Variants in ROCK2 observed in about 807,000 individuals in gnomAD.
The protein encoded by ROCK2 is Rho associated coiled-coil containing protein kinase 2.
Under a neutral mutation model 195.1 loss-of-function variants are expected in ROCK2, and 61 were observed. That is an observed-to-expected ratio of 0.31 (90% CI 0.25 to 0.39). The LOEUF (loss-of-function observed/expected upper bound fraction) is 0.39, where lower values mean the gene tolerates loss of function less well. ROCK2 is among the 10% of genes least tolerant of loss of function. The pLI, the probability that ROCK2 is intolerant of heterozygous loss-of-function variation, is 1.00. For synonymous variants in ROCK2, 504 were observed against 545.5 expected (o/e 0.92, Z 1.06); for missense variants, 1,109 against 1,637.4 (o/e 0.68, Z 5.57).
At position 11,222,326 on chromosome 2, in the gene ROCK2, A is replaced by G. The variant is rs1288466181; in HGVS notation, c.1008-152T>C. On this transcript the variant is annotated intron_variant, in intron 7 of 32. Coordinates refer to ENST00000315872, the MANE Select transcript of ROCK2 (RefSeq NM_004850.5). ...CTTAAATGTTTCTCAAAAATAAGCA[A>G]TCCCAAGTTACAGTATGTGATCTCT... 9 of 527,720 alleles carry G rather than the reference A, an allele frequency of 1.7e-5. No homozygotes were observed. In the East Asian group the frequency reaches 2.0e-4, roughly 12 times the overall value. The allele number at this position is 527,720 out of a possible 1,614,324, so 32.7% of individuals were successfully genotyped here.
In ROCK2 at chr2:11,344,419, T is replaced by C; in HGVS notation, c.-283A>G. 9.3e-7 allele frequency: 1 copy of C among 1,069,898 alleles called. No individual in the cohort carries two copies. Among genetic ancestry groups the C allele is most frequent in the Non-Finnish European group, 1.1e-6 (1 of 885,866 alleles). The allele number at this position is 1,069,898 out of a possible 1,614,324, so 66.3% of individuals were successfully genotyped here. A position where few individuals can be genotyped will look rare whatever the true frequency, so the allele number is the denominator to read the frequency against. ...CAGATTCGCGCCGCCGGTCCGCTGG[T>C]CCTCAGCGAGTGCCCGCAGGAGTCC... is the stretch of plus-strand genomic sequence containing the variant. On this transcript the variant is annotated 5_prime_UTR_variant, in exon 1 of 33. Coordinates refer to ENST00000315872, the MANE Select transcript of ROCK2 (RefSeq NM_004850.5). This position sits in a 1 kb window ranked among gnomAD's most constrained non-coding sequence, Gnocchi z 5.4.
At chr2:11,285,637 G>A (rs374923049) in intron 3 of ROCK2, among the ~76,000 whole-genome samples, 16 of 152,094 alleles carry the variant, frequency 1.1e-4, no homozygotes, top group South Asian at 8.3e-4. Context: ...GATCAGCCTC[G>A]GCAACATGGT....
chr2:11,235,802 A>G lies in ROCK2; in HGVS notation c.623T>C (p.Met208Thr). Residue 208 changes from methionine (M) to threonine (T), a missense_variant, in exon 5 of 33, where the codon ATG (methionine) becomes ACG (threonine). Met to Thr is a moderately conservative substitution (Grantham distance 81). Coordinates refer to ENST00000315872, the MANE Select transcript of ROCK2 (RefSeq NM_004850.5). The surrounding 1 kb of genome is among the most constrained non-coding windows in gnomAD (Gnocchi z 4.2). ...CTTCACATCTCTGTGTATTAAACCCATGGAGTGTATTGCATCCAGAGCAAG... is the reference window on the plus strand; with the variant it reads ...CTTCACATCTCTGTGTATTAAACCCGTGGAGTGTATTGCATCCAGAGCAAG... ...VVLALDAIHS[M>T]GLIHRDVKPD... The G allele has an allele frequency of 6.2e-7, 1 of 1,614,044 alleles. No homozygotes were observed. The highest frequency in any genetic ancestry group is 8.5e-7 in the Non-Finnish European group (1 of 1,179,952).
At chr2:11,262,848 C>T (rs1415875713) in intron 3 of ROCK2, among the ~76,000 whole-genome samples, 1 of 152,116 alleles carries the variant, frequency 6.6e-6, no homozygotes, top group Non-Finnish European at 1.5e-5. Flanking sequence ...GAACATCATT[C>T]TAAGTAAAAC....
intron 1 of ROCK2, among the ~76,000 whole-genome samples, chr2:11,321,335 C>T (rs907069397): frequency 4.0e-5 from 6 of 151,810 alleles, no homozygotes; most frequent in Non-Finnish European, 5.9e-5. Context: ...GCCACCGCAC[C>T]GGGCTAATTT....
intron 3 of ROCK2, among the ~76,000 whole-genome samples, chr2:11,263,326 C>T (rs4669702): frequency 0.25 from 37,556 of 152,046 alleles, 5,352 homozygotes; most frequent in East Asian, 0.54. Context: ...CTGTGCTATA[C>T]AGCATACTGA....
intron 1 of ROCK2, among the ~76,000 whole-genome samples, chr2:11,316,485 T>A (rs556151583): frequency 8.5e-4 from 130 of 152,140 alleles, no homozygotes; most frequent in Non-Finnish European, 1.6e-3. Context: ...TAATTTCATG[T>A]ACTCCAAAAA....
intron 32 of ROCK2, among the ~76,000 whole-genome samples, chr2:11,191,027 G>A (rs921626620): frequency 6.6e-6 from 1 of 152,126 alleles, no homozygotes; most frequent in African/African-American, 2.4e-5. Context: ...TTCCTTGAGA[G>A]ATTAGTTTCA....
intron 1 of ROCK2, among the ~76,000 whole-genome samples, chr2:11,309,962 T>G (rs1357858054): frequency 1.3e-5 from 2 of 150,108 alleles, no homozygotes; most frequent in Admixed American, 1.3e-4. Flanking sequence ...GCCTGCCCTG[T>G]CTCCAAAAAA....
chr2:11,221,868 T>C (rs1355493054), intron 8 of ROCK2, among the ~76,000 whole-genome samples: 1 of 152,192 alleles, frequency 6.6e-6, no homozygotes, highest in African/African-American at 2.4e-5. Context: ...GTAATGTTTA[T>C]TGTAAAAGTG....
At chr2:11,291,482 G>A (rs113622839) in intron 1 of ROCK2, among the ~76,000 whole-genome samples, 11,532 of 152,184 alleles carry the variant, frequency 0.076, 658 homozygotes, top group African/African-American at 0.16. Flanking sequence ...CCCAGGGGGC[G>A]GAAGTTGCAG....
chr2:11,267,224 T>C (rs1666448864), intron 3 of ROCK2, among the ~76,000 whole-genome samples: 1 of 152,142 alleles, frequency 6.6e-6, no homozygotes, highest in East Asian at 1.9e-4. Flanking sequence ...AATTAACCCT[T>C]AGGAAGCACT....
chr2:11,257,348 A>G (rs1327916254), intron 3 of ROCK2, among the ~76,000 whole-genome samples: 1 of 151,444 alleles, frequency 6.6e-6, no homozygotes, highest in African/African-American at 2.5e-5. Context: ...TGGCGGCGTC[A>G]CGATCAGCTG....
At chr2:11,212,180 G>A (rs533144624) in intron 17 of ROCK2, among the ~76,000 whole-genome samples, 1 of 152,180 alleles carries the variant, frequency 6.6e-6, no homozygotes, top group African/African-American at 2.4e-5. Flanking sequence ...GCCTCCCACA[G>A]TGCTGAGATT....
intron 17 of ROCK2, among the ~76,000 whole-genome samples, chr2:11,212,545 G>A (rs1040910643): frequency 6.6e-6 from 1 of 151,930 alleles, no homozygotes; most frequent in Non-Finnish European, 1.5e-5. Flanking sequence ...TGTTGCTCCT[G>A]AAGCTTTCCC....
At chr2:11,243,133 G>A (rs1665487434) in intron 4 of ROCK2, among the ~76,000 whole-genome samples, 1 of 152,134 alleles carries the variant, frequency 6.6e-6, no homozygotes. Flanking sequence ...GGAAGACTGA[G>A]GAAATGTTCA....
At position 11,192,977 on chromosome 2, in the gene ROCK2, A is replaced by C. The variant is rs1663487426; in HGVS notation, c.3688-265T>G. Among the ~76,000 whole-genome samples the C allele has an allele frequency of 6.6e-6, 1 of 152,154 alleles. No individual in the cohort carries two copies. Among genetic ancestry groups the C allele is most frequent in the African/African-American group, 2.4e-5 (1 of 41,438 alleles). On this transcript the variant is annotated intron_variant, in intron 30 of 32. Transcript: ENST00000315872. The surrounding 1 kb of genome is among the most constrained non-coding windows in gnomAD (Gnocchi z 5.0). ...CCTCCTTATTTTCTTTATAACACCC[A>C]TGCTTTAGCAGCACTATCAGAATAG...
intron 3 of ROCK2, among the ~76,000 whole-genome samples, chr2:11,277,753 C>T (rs1666875748): frequency 6.6e-6 from 1 of 152,104 alleles, no homozygotes. Context: ...GGGTTGGTCC[C>T]AAGATTTTGC....
intron 3 of ROCK2, among the ~76,000 whole-genome samples, chr2:11,271,157 T>C (rs1290966358): frequency 6.6e-6 from 1 of 151,242 alleles, no homozygotes; most frequent in East Asian, 1.9e-4. Flanking sequence ...CATTATGCTC[T>C]GGTTACATCT....
Sources: gnomAD v4.1 joint callset for allele counts (sites outside exome capture counted in the v4.1 genomes callset) on GRCh38, gnomAD v4.1.1 for gene constraint, Gnocchi (gnomAD v3.1) non-coding constraint, MANE v1.5 for transcripts, NCBI Gene and HGNC (gene_info 2026-07-23, HGNC 2026-07-21) for gene names.